The following PLPPR1 variants were observed in gnomAD, a reference collection of about 807,000 sequenced individuals.
PLPPR1 encodes phospholipid phosphatase-related protein type 1.
Under a neutral mutation model 33.1 loss-of-function variants are expected in PLPPR1, and 10 were observed. The ratio of observed to expected loss-of-function variants is 0.30; its 90% confidence interval spans 0.19 to 0.51. The LOEUF (loss-of-function observed/expected upper bound fraction) is 0.51. Among genes scored for constraint, PLPPR1 ranks in the 20% least tolerant of loss-of-function variants. PLPPR1 has a pLI of 0.97. For missense variants in PLPPR1, 304 were observed against 408.1 expected, an observed-to-expected ratio of 0.74 and a Z score of 2.20; for synonymous variants, 151 against 151.0, an observed-to-expected ratio of 1.00 and a Z score of 0.00.
chr9:101,292,891 A>G (rs1044496358), intron 4 of PLPPR1, among the ~76,000 whole-genome samples: 1 of 151,978 alleles, frequency 6.6e-6, no homozygotes, highest in African/African-American at 2.4e-5. Flanking sequence ...AAGAAACTGC[A>G]TCAACTAACG....
intron 1 of PLPPR1, among the ~76,000 whole-genome samples, chr9:101,113,060 A>G (rs749539695): frequency 6.6e-6 from 1 of 152,214 alleles, no homozygotes; most frequent in Non-Finnish European, 1.5e-5. Context: ...TCACAGTTGT[A>G]TATACCTGGA....
At chr9:101,253,515 T>C (rs935875724) in intron 2 of PLPPR1, among the ~76,000 whole-genome samples, 41 of 152,106 alleles carry the variant, frequency 2.7e-4, no homozygotes, top group African/African-American at 8.2e-4. Flanking sequence ...GACTCCAGCC[T>C]GGTTGACTGA....
chr9:101,050,403 A>G (rs1188259672), intron 1 of PLPPR1, among the ~76,000 whole-genome samples: 2 of 152,222 alleles, frequency 1.3e-5, no homozygotes, highest in African/African-American at 2.4e-5. Flanking sequence ...AATATAAAAG[A>G]CAGAAAAGTG....
chr9:101,056,565 A>C (rs1428213870), intron 1 of PLPPR1, among the ~76,000 whole-genome samples: 2 of 152,192 alleles, frequency 1.3e-5, no homozygotes, highest in African/African-American at 2.4e-5. Flanking sequence ...GATTCAAATT[A>C]GAAGATGAAT....
At chr9:101,229,944 ACT>A (rs1052515729) in intron 2 of PLPPR1, among the ~76,000 whole-genome samples, 9 of 151,918 alleles carry the variant, frequency 5.9e-5, no homozygotes, top group African/African-American at 2.2e-4. Context: ...ATCAGTTAAC[ACT>A]CTGTTTATAA....
chr9:101,034,084 C>A (rs1046324711), intron 1 of PLPPR1, among the ~76,000 whole-genome samples: 22 of 151,832 alleles, frequency 1.4e-4, no homozygotes, highest in Non-Finnish European at 2.9e-4. Flanking sequence ...CTATCAGTCA[C>A]TTATGAAGTC....
chr9:101,237,307 A>G (rs1351929287), intron 2 of PLPPR1, among the ~76,000 whole-genome samples: 3 of 151,786 alleles, frequency 2.0e-5, no homozygotes, highest in Non-Finnish European at 4.4e-5. Context: ...TGATCCAGCA[A>G]TCTCACTACT....
intron 2 of PLPPR1, among the ~76,000 whole-genome samples, chr9:101,237,262 G>C (rs1273892287): frequency 1.3e-5 from 2 of 151,722 alleles, no homozygotes; most frequent in Non-Finnish European, 2.9e-5. Flanking sequence ...ACACAATGGA[G>C]ATTTCCCAAT....
chr9:101,197,454 T>C (rs1176152782), intron 2 of PLPPR1, among the ~76,000 whole-genome samples: 3 of 152,186 alleles, frequency 2.0e-5, no homozygotes, highest in Non-Finnish European at 2.9e-5. Flanking sequence ...TCTATGCAGA[T>C]TAATTCATAA....
At chr9:101,051,228 A>G (rs535527400) in intron 1 of PLPPR1, among the ~76,000 whole-genome samples, 1 of 149,414 alleles carries the variant, frequency 6.7e-6, no homozygotes, top group African/African-American at 2.5e-5. Flanking sequence ...TCTTCTCTCC[A>G]TCCCTTCCAA....
chr9:101,095,011 T>C (rs1421575938), intron 1 of PLPPR1, among the ~76,000 whole-genome samples: 4 of 152,204 alleles, frequency 2.6e-5, no homozygotes, highest in South Asian at 2.1e-4. Context: ...GTGTTGTCGA[T>C]GGCCTTGCAG....
intron 1 of PLPPR1, among the ~76,000 whole-genome samples, chr9:101,134,282 G>T (rs1306643789): frequency 6.6e-6 from 1 of 152,146 alleles, no homozygotes; most frequent in Non-Finnish European, 1.5e-5. Context: ...TAAGGAATTT[G>T]CTATTTAAAG....
chr9:101,265,835 A>G (rs1168721432), intron 2 of PLPPR1, among the ~76,000 whole-genome samples: 1 of 152,024 alleles, frequency 6.6e-6, no homozygotes, highest in Non-Finnish European at 1.5e-5. Context: ...TCTCTACTAA[A>G]AATACAAAAA....
rs71509725 is a variant in PLPPR1, at chr9:101,144,710, G to T, written c.-45-40740G>T. 9.3e-3 allele frequency among the ~76,000 whole-genome samples: 1,416 copies of T among 152,292 alleles called. 16 individuals are homozygous for T. The highest frequency in any genetic ancestry group is 0.013 in the Non-Finnish European group (875 of 68,016). ...TGGCAGCCCTAGCAGGCAAATACAGGTGGGATCTGAGAATCTGCATTTCTA... is the reference window on the plus strand; with the variant it reads ...TGGCAGCCCTAGCAGGCAAATACAGTTGGGATCTGAGAATCTGCATTTCTA... On this transcript the variant is annotated intron_variant, in intron 1 of 7. Coordinates refer to ENST00000374874, the MANE Select transcript of PLPPR1 (RefSeq NM_207299.2).
chr9:101,313,909 A>G (rs1301096814), intron 6 of PLPPR1, among the ~76,000 whole-genome samples: 1 of 152,178 alleles, frequency 6.6e-6, no homozygotes, highest in Non-Finnish European at 1.5e-5. Context: ...TAATTGAATC[A>G]TAATGTATTT....
intron 1 of PLPPR1, among the ~76,000 whole-genome samples, chr9:101,051,576 T>C (rs1830223549): frequency 6.6e-6 from 1 of 152,216 alleles, no homozygotes; most frequent in South Asian, 2.1e-4. Flanking sequence ...TATCCTTCAG[T>C]ACCTACTGAA....
intron 1 of PLPPR1, among the ~76,000 whole-genome samples, chr9:101,129,661 C>G (rs1445277044): frequency 1.3e-5 from 2 of 152,150 alleles, no homozygotes; most frequent in East Asian, 3.9e-4. Context: ...GAAACCCCGT[C>G]TCTACTAAAA....
intron 4 of PLPPR1, among the ~76,000 whole-genome samples, chr9:101,302,971 GTTTA>G (rs1200582191): frequency 6.6e-6 from 1 of 152,132 alleles, no homozygotes; most frequent in African/African-American, 2.4e-5. Context: ...CTTTTTAACA[GTTTA>G]TTTTTGTTGT....
chr9:101,292,255 G>T (rs1347462671), intron 4 of PLPPR1, among the ~76,000 whole-genome samples: 2 of 152,120 alleles, frequency 1.3e-5, no homozygotes, highest in African/African-American at 4.8e-5. Flanking sequence ...AGAATAAAAA[G>T]AAATGAACAA....
Sources: gnomAD v4.1 joint callset for allele counts (sites outside exome capture counted in the v4.1 genomes callset) on GRCh38, gnomAD v4.1.1 for gene constraint, MANE v1.5 for transcripts, NCBI Gene and HGNC (gene_info 2026-07-23, HGNC 2026-07-21) for gene names.